Variants in ZNF654 observed in about 807,000 individuals in gnomAD.
ZNF654 encodes melanoma-associated antigen.
In ZNF654, 19 loss-of-function variants were observed where a neutral mutation model predicts 95.3. That is an observed-to-expected ratio of 0.20 (90% CI 0.14 to 0.29). ZNF654 has a LOEUF of 0.29. Ranked by LOEUF, ZNF654 falls within the 10% of genes least tolerant of loss-of-function variation. ZNF654 has a pLI of 1.00. For synonymous variants in ZNF654, 413 were observed against 457.9 expected (o/e 0.90, Z 1.25); for missense variants, 1,046 against 1,341.0 (o/e 0.78, Z 3.44).
intron 1 of ZNF654, among the ~76,000 whole-genome samples, chr3:88,062,962 A>G (rs1474074439): frequency 6.6e-6 from 1 of 152,222 alleles, no homozygotes; most frequent in Non-Finnish European, 1.5e-5. Flanking sequence ...AACTTGAGAG[A>G]AAATTTAGAA....
rs540195111 is a variant in ZNF654 at position 88,129,882 on chromosome 3, T to A, written c.893+56T>A. 16 of 1,319,422 alleles carry A rather than the reference T, an allele frequency of 1.2e-5. No homozygotes were observed. The African/African-American group carries it at 2.2e-4, about 18-fold the overall frequency. The allele number at this position is 1,319,422 out of a possible 1,614,324, so 81.7% of individuals were successfully genotyped here. On this transcript the variant is annotated intron_variant, in intron 6 of 8. Transcript: ENST00000636215. ...GGTAAGATGGGCAACAGAAAGGAAA[T>A]TGCAGTTTGAACTTTGTTTTTTACA...
intron 2 of ZNF654, among the ~76,000 whole-genome samples, chr3:88,100,460 A>G (rs1450235805): frequency 5.9e-5 from 9 of 152,224 alleles, no homozygotes; most frequent in African/African-American, 2.2e-4. Flanking sequence ...TGACCCAGCC[A>G]TCCCATTACT....
chr3:88,143,150 G>A lies in ZNF654; in HGVS notation c.*1498G>A, dbSNP rs1343344311. The A allele has an allele frequency of 2.6e-5, 4 of 152,142 alleles. No homozygotes were observed. The highest frequency in any genetic ancestry group is 4.8e-5 in the African/African-American group (2 of 41,386). 9.4% of individuals were successfully genotyped at this position (152,142 alleles called of 1,614,324 possible). ...AGAGCTTCTTGAATGAGGCTATTAC[G>A]GAAGTGGGGAATTTCTTCCAGGTAG... On this transcript the variant is annotated 3_prime_UTR_variant, in exon 9 of 9. Transcript: ENST00000636215.
intron 2 of ZNF654, among the ~76,000 whole-genome samples, chr3:88,097,180 T>A (rs55936434): frequency 0.15 from 22,625 of 152,082 alleles, 1,762 homozygotes; most frequent in African/African-American, 0.18. Context: ...CTTAGATGTA[T>A]CCTAGGAGTA....
chr3:88,067,624 G>A (rs1490966805), intron 1 of ZNF654, among the ~76,000 whole-genome samples: 1 of 152,202 alleles, frequency 6.6e-6, no homozygotes, highest in Non-Finnish European at 1.5e-5. Flanking sequence ...AAAAGGCAAG[G>A]AAAGAGAATG....
chr3:88,094,182 A>G (rs937269525), intron 2 of ZNF654, among the ~76,000 whole-genome samples: 3 of 150,012 alleles, frequency 2.0e-5, no homozygotes, highest in East Asian at 1.9e-4. Context: ...GTTCTTCCCT[A>G]TTACACTAGA....
chr3:88,086,475 T>G (rs1026042727), intron 2 of ZNF654, 73 bp downstream of exon 2: 13 of 1,272,866 alleles, frequency 1.0e-5, no homozygotes, highest in Middle Eastern at 2.2e-4. Flanking sequence ...TGATAATTTC[T>G]TCTGAAGAAG....
At chr3:88,089,222 T>A (rs909184315) in intron 2 of ZNF654, among the ~76,000 whole-genome samples, 1 of 140,464 alleles carries the variant, frequency 7.1e-6, no homozygotes, top group Non-Finnish European at 1.5e-5. Context: ...CCGGGTGCGG[T>A]GGCTCACGCC....
rs192076535 is a variant in ZNF654, at chr3:88,144,250, T to C, written c.*2598T>C. 2.5e-4 allele frequency: 38 copies of C among 152,422 alleles called. No homozygotes were observed. Among genetic ancestry groups the C allele is most frequent in the Admixed American group, 6.5e-4 (10 of 15,268 alleles). 9.4% of individuals were successfully genotyped at this position (152,422 alleles called of 1,614,324 possible). A position where few individuals can be genotyped will look rare whatever the true frequency, so the allele number is the denominator to read the frequency against. On this transcript the variant is annotated 3_prime_UTR_variant, in exon 9 of 9. Transcript: ENST00000636215. ...TTCATTTTTTTGAAACCACCAATTA[T>C]ATAATACTTAAATAATTTATATCAT...
chr3:88,092,768 T>C (rs1242586279), intron 2 of ZNF654, among the ~76,000 whole-genome samples: 1 of 152,204 alleles, frequency 6.6e-6, no homozygotes, highest in Non-Finnish European at 1.5e-5. Flanking sequence ...ATGGAAAAAT[T>C]GTAAGTTACT....
Position 88,143,617 on chromosome 3 carries a change from A to T in ZNF654, c.*1965A>T, listed in dbSNP as rs936033610. On this transcript the variant is annotated 3_prime_UTR_variant, in exon 9 of 9. Coordinates refer to ENST00000636215, the MANE Select transcript of ZNF654 (RefSeq NM_001350134.2). ...AAGTTGTAACAATTGATATAAATCC[A>T]TGCCCACAAAGTATTCCATTTTCAT... The T allele has an allele frequency of 6.6e-6, 1 of 152,310 alleles. No homozygotes were observed. Among genetic ancestry groups the T allele is most frequent in the South Asian group, 2.1e-4 (1 of 4,834 alleles). The allele number at this position is 152,310 out of a possible 1,614,324, so 9.4% of individuals were successfully genotyped here.
At chr3:88,079,238 T>C (rs553777957) in intron 1 of ZNF654, among the ~76,000 whole-genome samples, 83 of 152,194 alleles carry the variant, frequency 5.5e-4, no homozygotes, top group Non-Finnish European at 2.2e-4. Flanking sequence ...TTATGTTCCA[T>C]ATTGGGAGCT....
At chr3:88,074,306 G>A (rs541638628) in intron 1 of ZNF654, among the ~76,000 whole-genome samples, 2 of 151,628 alleles carry the variant, frequency 1.3e-5, no homozygotes, top group South Asian at 4.2e-4. Flanking sequence ...GCCCTCTAAA[G>A]GAGAATTCTT....
chr3:88,087,292 G>A (rs1203194995), intron 2 of ZNF654, among the ~76,000 whole-genome samples: 6 of 151,966 alleles, frequency 3.9e-5, no homozygotes, highest in Non-Finnish European at 8.8e-5. Context: ...TGGCCAGGCT[G>A]GTCTTGAACT....
At chr3:88,110,279 C>T (rs904773443) in intron 2 of ZNF654, among the ~76,000 whole-genome samples, 1 of 152,052 alleles carries the variant, frequency 6.6e-6, no homozygotes, top group East Asian at 1.9e-4. Context: ...ACAGCTAGAC[C>T]ATGGGTCTGT....
At chr3:88,098,207 A>G (rs1403728362) in intron 2 of ZNF654, among the ~76,000 whole-genome samples, 1 of 152,232 alleles carries the variant, frequency 6.6e-6, no homozygotes, top group Non-Finnish European at 1.5e-5. Flanking sequence ...AAACACCTCT[A>G]CACAAATAAA....
chr3:88,071,740 G>A (rs1442028230), intron 1 of ZNF654, among the ~76,000 whole-genome samples: 16 of 151,590 alleles, frequency 1.1e-4, no homozygotes, highest in Admixed American at 8.5e-4. Context: ...GGAGGCAGAG[G>A]TTGCAGTGAG....
intron 3 of ZNF654, among the ~76,000 whole-genome samples, chr3:88,117,857 C>A (rs1576314103): frequency 6.6e-6 from 1 of 151,522 alleles, no homozygotes; most frequent in East Asian, 1.9e-4. Flanking sequence ...AGGGGAAGTG[C>A]AGCATAGAGA....
chr3:88,090,794 T>C (rs114136841), intron 2 of ZNF654, among the ~76,000 whole-genome samples: 37 of 152,234 alleles, frequency 2.4e-4, no homozygotes, highest in Non-Finnish European at 4.7e-4. Flanking sequence ...CCTGGCCACA[T>C]TGGAAGAATA....
Sources: allele counts gnomAD v4.1 joint callset (sites outside exome capture counted in the v4.1 genomes callset), GRCh38; gene constraint gnomAD v4.1.1; transcripts MANE v1.5; gene names NCBI Gene and HGNC (gene_info 2026-07-23, HGNC 2026-07-21).